The following VWF variants were observed in gnomAD, a reference collection of about 807,000 sequenced individuals.
VWF encodes von Willebrand factor.
Under a neutral mutation model 308.6 loss-of-function variants are expected in VWF, and 176 were observed. The observed-to-expected ratio is 0.57, with a 90% CI of 0.50 to 0.65. The LOEUF (loss-of-function observed/expected upper bound fraction) is 0.65, where lower values mean the gene tolerates loss of function less well. VWF is among the 30% of genes least tolerant of loss of function. The pLI is 0.00. For missense variants in VWF, 3,146 were observed against 3,648.2 expected, an observed-to-expected ratio of 0.86 and a Z score of 3.55; for synonymous variants, 1,385 against 1,443.4, an observed-to-expected ratio of 0.96 and a Z score of 0.92.
intron 32 of VWF, among the ~76,000 whole-genome samples, chr12:6,012,944 G>A (rs528875763): frequency 1.2e-4 from 19 of 152,018 alleles, no homozygotes; most frequent in African/African-American, 3.9e-4. Context: ...CTCATGATCC[G>A]CCCGCCTCGG....
intron 6 of VWF, among the ~76,000 whole-genome samples, chr12:6,084,608 T>C (rs908167196): frequency 1.3e-5 from 2 of 152,192 alleles, no homozygotes; most frequent in Non-Finnish European, 1.5e-5. Flanking sequence ...ATCTGAAGCT[T>C]AGCTATTGTG....
chr12:6,095,346 C>A (rs146905285), intron 6 of VWF, 114 bp downstream of exon 6: 22 of 1,520,672 alleles, frequency 1.4e-5, no homozygotes, highest in Non-Finnish European at 1.9e-5. Flanking sequence ...GAGGAAATGG[C>A]CCTGCGTAAG....
At chr12:6,037,332 G>A (rs1944347777) in intron 18 of VWF, among the ~76,000 whole-genome samples, 1 of 151,992 alleles carries the variant, frequency 6.6e-6, no homozygotes, top group South Asian at 2.1e-4. Context: ...TGGAGGTGAG[G>A]GCCAAATATT....
At chr12:5,999,861 G>A (rs1233907595) in intron 34 of VWF, among the ~76,000 whole-genome samples, 1 of 151,812 alleles carries the variant, frequency 6.6e-6, no homozygotes, top group Non-Finnish European at 1.5e-5. Context: ...TGGTGGGGGT[G>A]GGTAATAAAA....
Position 6,060,505 on chromosome 12 carries a change from G to A in VWF, c.1533+2449C>T, listed in dbSNP as rs1175224548. Among the ~76,000 whole-genome samples, 1 of 151,706 alleles carries A rather than the reference G, an allele frequency of 6.6e-6. No homozygotes were observed. The highest frequency in any genetic ancestry group is 1.5e-5 in the Non-Finnish European group (1 of 67,948). Reference sequence around the variant, plus strand: ...AGTATTCTGAGGCTCCCCACCTCCTGCCCCAACTCAAACACCCCCTTTCCT... The same window carrying A: ...AGTATTCTGAGGCTCCCCACCTCCTACCCCAACTCAAACACCCCCTTTCCT... On this transcript the variant is annotated intron_variant, in intron 13 of 51. Transcript: ENST00000261405. This position sits in a 1 kb window ranked among gnomAD's most constrained non-coding sequence, Gnocchi z 5.1.
rs1241069780 is a variant in VWF, at chr12:5,991,761, T to C, written c.6798+58A>G. On this transcript the variant is annotated intron_variant, in intron 38 of 51. Coordinates refer to ENST00000261405, the MANE Select transcript of VWF (RefSeq NM_000552.5). ...GAGGCCAATCACTGGTGAACATATC[T>C]CCCTTTTGACCCAAGAGGGAAGCAG... 3 of 1,583,756 alleles carry C rather than the reference T, an allele frequency of 1.9e-6. No homozygotes were observed. In the African/African-American group the frequency reaches 4.0e-5, roughly 21 times the overall value.
At chr12:6,077,484 G>A (rs900468590) in intron 6 of VWF, among the ~76,000 whole-genome samples, 15 of 152,192 alleles carry the variant, frequency 9.9e-5, no homozygotes, top group African/African-American at 2.4e-4. Flanking sequence ...CCCTTCTGCC[G>A]GGCGGGCACC....
intron 14 of VWF, among the ~76,000 whole-genome samples, chr12:6,057,349 C>G (rs767428963): frequency 7.5e-6 from 1 of 133,162 alleles, no homozygotes; most frequent in Non-Finnish European, 1.5e-5. Flanking sequence ...CGGTCTTGCT[C>G]TGTCGCCCGG....
intron 42 of VWF, among the ~76,000 whole-genome samples, chr12:5,979,251 C>A (rs913481000): frequency 4.6e-5 from 7 of 152,180 alleles, no homozygotes; most frequent in Non-Finnish European, 1.0e-4. Context: ...GGAGAAAGTT[C>A]TTTCTTACGG....
rs1037357523 is a variant in VWF at position 5,995,999 on chromosome 12, C to T, written c.6063+3G>A. 1 of 1,612,038 alleles carries T rather than the reference C, an allele frequency of 6.2e-7. No homozygotes were observed. Among genetic ancestry groups the T allele is most frequent in the Non-Finnish European group, 8.5e-7 (1 of 1,179,838 alleles). ...CCACGGATCCACAGAAAGTACTTCT[C>T]ACCTCCATGTCACTGTGCAGCTCGA... On this transcript the variant is annotated splice_donor_region_variant and intron_variant, in intron 35 of 51. Coordinates refer to ENST00000261405, the MANE Select transcript of VWF (RefSeq NM_000552.5).
intron 2 of VWF, among the ~76,000 whole-genome samples, chr12:6,121,776 C>G (rs1945434544): frequency 6.6e-6 from 1 of 151,986 alleles, no homozygotes; most frequent in African/African-American, 2.4e-5. Context: ...ACTAAAAATA[C>G]AAAAACTAGC....
intron 5 of VWF, among the ~76,000 whole-genome samples, chr12:6,098,101 A>G (rs548629481): frequency 2.0e-5 from 3 of 152,214 alleles, no homozygotes; most frequent in Non-Finnish European, 2.9e-5. Context: ...TGGAATTACA[A>G]ATATTCTTGC....
At chr12:6,102,780 G>C (rs1045241878) in intron 5 of VWF, among the ~76,000 whole-genome samples, 1 of 151,798 alleles carries the variant, frequency 6.6e-6, no homozygotes, top group African/African-American at 2.4e-5. Context: ...TAATGGATCA[G>C]AATTCATATT....
At chr12:6,065,805 C>A (rs1944707918) in intron 10 of VWF, among the ~76,000 whole-genome samples, 1 of 152,182 alleles carries the variant, frequency 6.6e-6, no homozygotes, top group Non-Finnish European at 1.5e-5. Context: ...AGCCCAGAGG[C>A]AGGATGAGGT....
chr12:6,027,074 G>GT (rs1310850047), intron 22 of VWF, among the ~76,000 whole-genome samples: 2 of 152,190 alleles, frequency 1.3e-5, no homozygotes, highest in African/African-American at 2.4e-5. Flanking sequence ...TACAAGGGGT[G>GT]TAAGTCACCA....
chr12:6,106,434 G>A (rs190256254), intron 5 of VWF, among the ~76,000 whole-genome samples: 49 of 152,304 alleles, frequency 3.2e-4, no homozygotes, highest in Admixed American at 2.8e-3. Flanking sequence ...GGAGCCCAGA[G>A]GGAAGAATGG....
At chr12:5,998,781 G>A (rs1048509743) in intron 34 of VWF, among the ~76,000 whole-genome samples, 4 of 151,800 alleles carry the variant, frequency 2.6e-5, no homozygotes, top group Non-Finnish European at 4.4e-5. Flanking sequence ...AGGCCAGAGC[G>A]CAATGGCGCG....
chr12:6,089,465 C>T (rs1467706023), intron 6 of VWF, among the ~76,000 whole-genome samples: 3 of 152,104 alleles, frequency 2.0e-5, no homozygotes, highest in East Asian at 1.9e-4. Context: ...CTTTAATGCA[C>T]CCAGGAGACA....
At chr12:6,121,384 C>G in intron 2 of VWF, 46 bp from the exon 3 acceptor site, 1 of 1,605,558 alleles carries the variant, frequency 6.2e-7, no homozygotes, top group Non-Finnish European at 8.5e-7. Context: ...CAGGGCACAA[C>G]TGGGACCATC....
Sources: gnomAD v4.1 joint callset for allele counts (sites outside exome capture counted in the v4.1 genomes callset) on GRCh38, gnomAD v4.1.1 for gene constraint, Gnocchi (gnomAD v3.1) non-coding constraint, MANE v1.5 for transcripts, NCBI Gene and HGNC (gene_info 2026-07-23, HGNC 2026-07-21) for gene names.